SYNPO2: variants seen among roughly 807,000 people sequenced by gnomAD.
SYNPO2 encodes the protein synaptopodin 2, also known as synaptopodin-2.
In SYNPO2, 56 loss-of-function variants were observed where a neutral mutation model predicts 85.0. That is an observed-to-expected ratio of 0.66 (90% CI 0.53 to 0.82). SYNPO2 has a LOEUF of 0.82. Ranked by LOEUF, SYNPO2 falls within the 40% of genes least tolerant of loss-of-function variation. The pLI is 0.00. For synonymous variants in SYNPO2, 602 were observed against 591.1 expected (o/e 1.02, Z -0.27); for missense variants, 1,575 against 1,534.2 (o/e 1.03, Z -0.44).
At chr4:118,886,789 A>G (rs558636921), upstream of SYNPO2, among the ~76,000 whole-genome samples, 1 of 152,096 alleles carries the variant, frequency 6.6e-6, no homozygotes, top group Non-Finnish European at 1.5e-5. Flanking sequence ...AAAGAATCAA[A>G]CTTGGGATGA....
intron 1 of SYNPO2, among the ~76,000 whole-genome samples, chr4:118,911,002 A>G (rs929396061): frequency 6.6e-6 from 1 of 152,134 alleles, no homozygotes; most frequent in African/African-American, 2.4e-5. Context: ...TCCCAAGTGT[A>G]TGTACTTTTC....
intron 1 of SYNPO2, among the ~76,000 whole-genome samples, chr4:119,005,784 A>G (rs1737011383): frequency 6.6e-6 from 1 of 152,212 alleles, no homozygotes; most frequent in Non-Finnish European, 1.5e-5. Context: ...AAGTTTTAAA[A>G]TGGCAAATAA....
intron 1 of SYNPO2, among the ~76,000 whole-genome samples, chr4:118,863,486 CA>C (rs1731647923): frequency 6.6e-6 from 1 of 152,140 alleles, no homozygotes; most frequent in Non-Finnish European, 1.5e-5. Context: ...TGAATTTCTG[CA>C]GTATCATTTG....
chr4:118,920,301 G>C (rs1026793772), intron 1 of SYNPO2, among the ~76,000 whole-genome samples: 1 of 152,138 alleles, frequency 6.6e-6, no homozygotes, highest in African/African-American at 2.4e-5. Flanking sequence ...TTTGCTGAAG[G>C]ACAGCCAGGG....
intron 1 of SYNPO2, among the ~76,000 whole-genome samples, chr4:118,854,002 A>G (rs919736670): frequency 1.3e-5 from 2 of 152,238 alleles, no homozygotes; most frequent in Non-Finnish European, 2.9e-5. Flanking sequence ...TTTTTTAAAA[A>G]AATGCAATAA....
At chr4:118,964,444 T>C (rs889737002) in intron 1 of SYNPO2, among the ~76,000 whole-genome samples, 11 of 151,760 alleles carry the variant, frequency 7.2e-5, no homozygotes, top group Non-Finnish European at 1.3e-4. Context: ...GAGCTGAGAT[T>C]GCACCACTGC....
chr4:119,020,787 T>G (rs1329931865), intron 1 of SYNPO2, among the ~76,000 whole-genome samples: 1 of 152,188 alleles, frequency 6.6e-6, no homozygotes, highest in Non-Finnish European at 1.5e-5. Context: ...ACTCTAACCC[T>G]GACATAGATG....
At chr4:118,915,061 T>G (rs1733268242) in intron 1 of SYNPO2, among the ~76,000 whole-genome samples, 1 of 151,780 alleles carries the variant, frequency 6.6e-6, no homozygotes, top group Non-Finnish European at 1.5e-5. Flanking sequence ...CTGAAAGCCT[T>G]CTAAAGCATT....
At position 119,023,466 on chromosome 4, in the gene SYNPO2, T is replaced by C. The variant is rs753708035; in HGVS notation, c.142T>C (p.Cys48Arg). The C allele has an allele frequency of 2.5e-6, 4 of 1,613,914 alleles. No individual in the cohort carries two copies. In the South Asian group the frequency reaches 4.4e-5, roughly 18 times the overall value. Reference sequence around the variant, plus strand: ...GAGCAAAGCCTCTGGGTCTGGGCTCTGTGAGGGAGATGAAGTGGTTTCCAT... The same window carrying C: ...GAGCAAAGCCTCTGGGTCTGGGCTCCGTGAGGGAGATGAAGTGGTTTCCAT... ...NQSKASGSGLCEGDEVVSING... is the reference protein window; with the variant it reads ...NQSKASGSGLREGDEVVSING... Residue 48 changes from cysteine (C) to arginine (R), a missense_variant, in exon 2 of 5, where the codon TGT becomes CGT. Transcript: ENST00000307142.
chr4:119,027,986 T>TACG (rs1292858729), intron 3 of SYNPO2, among the ~76,000 whole-genome samples: 1 of 152,188 alleles, frequency 6.6e-6, no homozygotes, highest in African/African-American at 2.4e-5. Context: ...TCCTCTCCGT[T>TACG]GTGTAAGTCT....
chr4:118,920,518 A>T (rs891215420), intron 1 of SYNPO2, among the ~76,000 whole-genome samples: 1 of 152,154 alleles, frequency 6.6e-6, no homozygotes, highest in Non-Finnish European at 1.5e-5. Context: ...ACAGCACCAG[A>T]TACTTGTTCT....
In SYNPO2 at chr4:118,900,743, C is replaced by CTATA. The variant is rs1560841407; in HGVS notation, c.105+11605_105+11606insATAT. Among the ~76,000 whole-genome samples the CTATA allele has an allele frequency of 2.9e-5, 3 of 104,362 alleles. No individual in the cohort carries two copies. The East Asian group carries it at 7.3e-4, about 25-fold the overall frequency. The allele number at this position is 104,362 out of a possible 152,430, so 68.5% of individuals were successfully genotyped here. A position where few individuals can be genotyped will look rare whatever the true frequency, so the allele number is the denominator to read the frequency against. On this transcript the variant is annotated intron_variant, in intron 1 of 4. Transcript: ENST00000307142. ...TATATATATATATATGTCTGTCTGT[C>CTATA]TATCTATCTATCTATCTATCTATCT... is the stretch of plus-strand genomic sequence containing the variant.
chr4:118,874,200 T>C (rs1057285502), intron 1 of SYNPO2, among the ~76,000 whole-genome samples: 5 of 152,196 alleles, frequency 3.3e-5, no homozygotes, highest in Non-Finnish European at 7.4e-5. Flanking sequence ...GAAATATTCA[T>C]TTGACATTAT....
At chr4:118,881,701 C>T (rs1289012551) in intron 1 of SYNPO2, among the ~76,000 whole-genome samples, 1 of 152,188 alleles carries the variant, frequency 6.6e-6, no homozygotes, top group Non-Finnish European at 1.5e-5. Flanking sequence ...CACGTTCGGC[C>T]TCCAAGTGAG....
At position 118,903,088 on chromosome 4, in the gene SYNPO2, C is replaced by T. The variant is rs574378041; in HGVS notation, c.105+13947C>T. ...ATCTGTAGAATAAGGTACTATGTAA[C>T]GAAATTGCTGCCTTTGTAGATAAAA... On this transcript the variant is annotated intron_variant, in intron 1 of 4. Transcript: ENST00000307142. Among the ~76,000 whole-genome samples the T allele has an allele frequency of 7.9e-5, 12 of 152,036 alleles. No individual in the cohort carries two copies. In the South Asian group the frequency reaches 1.7e-3, roughly 21 times the overall value.
At chr4:118,900,760 T>TATC (rs1174691704) in intron 1 of SYNPO2, among the ~76,000 whole-genome samples, 93 of 144,254 alleles carry the variant, frequency 6.4e-4, no homozygotes, top group Middle Eastern at 3.5e-3. Flanking sequence ...TCTATCTATC[T>TATC]ATCTATCTAT....
chr4:118,983,798 A>C (rs1448778763), intron 1 of SYNPO2, among the ~76,000 whole-genome samples: 1 of 139,712 alleles, frequency 7.2e-6, no homozygotes, highest in Non-Finnish European at 1.6e-5. Context: ...TGCCCTTCCA[A>C]CAGGATATTT....
chr4:119,032,929 T>TTTGGG, intron 4 of SYNPO2: 2 of 905,324 alleles, frequency 2.2e-6, no homozygotes, highest in Non-Finnish European at 2.6e-6. Context: ...AAAGGTTGAT[T>TTTGGG]CCCACCCTCC....
chr4:119,012,157 A>G (rs1332787616), intron 1 of SYNPO2, among the ~76,000 whole-genome samples: 2 of 151,818 alleles, frequency 1.3e-5, no homozygotes, highest in East Asian at 3.9e-4. Context: ...TCCTGACCTC[A>G]AGTGATCTGC....
Sources: allele counts gnomAD v4.1 joint callset (sites outside exome capture counted in the v4.1 genomes callset), GRCh38; gene constraint gnomAD v4.1.1; transcripts MANE v1.5; gene names NCBI Gene and HGNC (gene_info 2026-07-23, HGNC 2026-07-21).